APBB2: variants seen among roughly 807,000 people sequenced by gnomAD.
The protein encoded by APBB2 is amyloid beta precursor protein binding family B member 2, also known as Fe65-like 1.
In APBB2, 38 loss-of-function variants were observed where a neutral mutation model predicts 82.5. That is an observed-to-expected ratio of 0.46 (90% confidence interval 0.36 to 0.60). APBB2 has a LOEUF of 0.60. Ranked by LOEUF, APBB2 falls within the 20% of genes least tolerant of loss-of-function variation. The probability of loss-of-function intolerance (pLI) is 0.00; values close to 1 mark genes in which losing one functional copy is unlikely to be tolerated. For synonymous variants in APBB2, 341 were observed against 368.2 expected, an observed-to-expected ratio of 0.93 and a Z score of 0.85; for missense variants, 772 against 972.3, an observed-to-expected ratio of 0.79 and a Z score of 2.74.
intron 2 of APBB2, among the ~76,000 whole-genome samples, chr4:41,102,012 G>A (rs553234910): frequency 6.6e-6 from 1 of 151,068 alleles, no homozygotes; most frequent in Non-Finnish European, 1.5e-5. Context: ...CAACAATCGT[G>A]CAAATGGATT....
At chr4:40,926,033 GT>G (rs1346022598) in intron 10 of APBB2, among the ~76,000 whole-genome samples, 2 of 152,116 alleles carry the variant, frequency 1.3e-5, no homozygotes, top group African/African-American at 4.8e-5. Context: ...ACAAAATCCA[GT>G]GCCAATAAAA....
intron 1 of APBB2, among the ~76,000 whole-genome samples, chr4:41,151,345 T>C (rs905578600): frequency 1.3e-4 from 20 of 152,350 alleles, no homozygotes; most frequent in African/African-American, 4.8e-4. Flanking sequence ...ATTTGTATTG[T>C]TCAATACAAT....
chr4:41,037,165 G>A (rs1283275627), intron 4 of APBB2, among the ~76,000 whole-genome samples: 1 of 152,156 alleles, frequency 6.6e-6, no homozygotes, highest in Admixed American at 6.5e-5. Context: ...TCTTAGGTAG[G>A]TGAGTCTACT....
chr4:41,136,574 GAGA>G (rs1757622149), intron 2 of APBB2, among the ~76,000 whole-genome samples: 4 of 152,196 alleles, frequency 2.6e-5, no homozygotes, highest in African/African-American at 9.7e-5. Flanking sequence ...AGGTTGAAAT[GAGA>G]AGATTACGAA....
chr4:40,908,426 T>C (rs542272165), intron 10 of APBB2, among the ~76,000 whole-genome samples: 3 of 152,280 alleles, frequency 2.0e-5, no homozygotes, highest in South Asian at 4.1e-4. Context: ...GACACATTCC[T>C]GTCACCGCGC....
intron 6 of APBB2, among the ~76,000 whole-genome samples, chr4:40,967,177 T>C (rs982822655): frequency 2.6e-5 from 4 of 152,118 alleles, no homozygotes; most frequent in African/African-American, 9.7e-5. Flanking sequence ...GGAGAGGAGC[T>C]ACCTACTGTG....
intron 6 of APBB2, among the ~76,000 whole-genome samples, chr4:40,968,015 A>C (rs925899698): frequency 6.6e-6 from 1 of 152,228 alleles, no homozygotes; most frequent in African/African-American, 2.4e-5. Flanking sequence ...AGTGCCAAAC[A>C]CTGAGCAGTG....
intron 6 of APBB2, among the ~76,000 whole-genome samples, chr4:40,956,623 A>G (rs550682884): frequency 8.7e-4 from 108 of 123,790 alleles, no homozygotes; most frequent in African/African-American, 3.1e-3. Context: ...TAAAAAAAAG[A>G]AAAAAAAAAA....
chr4:41,010,731 A>C (rs1438623497), intron 6 of APBB2, among the ~76,000 whole-genome samples: 1 of 152,218 alleles, frequency 6.6e-6, no homozygotes, highest in African/African-American at 2.4e-5. Flanking sequence ...AATACTTAAA[A>C]AGACTGACGT....
intron 12 of APBB2, among the ~76,000 whole-genome samples, chr4:40,885,166 T>C (rs542955400): frequency 2.6e-5 from 4 of 152,348 alleles, no homozygotes; most frequent in Admixed American, 2.0e-4. Flanking sequence ...ACATTTTAAA[T>C]GGTCCATTTT....
intron 6 of APBB2, among the ~76,000 whole-genome samples, chr4:40,977,628 A>G (rs1797515624): frequency 6.6e-6 from 1 of 152,208 alleles, no homozygotes; most frequent in Non-Finnish European, 1.5e-5. Context: ...AAACTTTTAA[A>G]GAAACTTGTG....
At position 40,832,539 on chromosome 4, in the gene APBB2, A is replaced by G. The variant is rs1335129024; in HGVS notation, c.1530-1962T>C. On this transcript the variant is annotated intron_variant, in intron 12 of 17. Transcript: ENST00000508593. The surrounding 1 kb of genome is among the most constrained non-coding windows in gnomAD (Gnocchi z 4.8). ...GCCTCACGTGCCACACCCAATCCCCACATTCGTCCTGTTTCACCTCCTGGA... is the reference window on the plus strand; with the variant it reads ...GCCTCACGTGCCACACCCAATCCCCGCATTCGTCCTGTTTCACCTCCTGGA... Among the ~76,000 whole-genome samples, 3 of 151,912 alleles carry G rather than the reference A, an allele frequency of 2.0e-5. No homozygotes were observed. The highest frequency in any genetic ancestry group is 7.3e-5 in the African/African-American group (3 of 41,328).
At chr4:41,012,225 G>A (rs1808578956) in intron 6 of APBB2, among the ~76,000 whole-genome samples, 1 of 152,208 alleles carries the variant, frequency 6.6e-6, no homozygotes, top group Admixed American at 6.5e-5. Context: ...CAGAAAGGGT[G>A]CCATGACCAG....
intron 2 of APBB2, among the ~76,000 whole-genome samples, chr4:41,102,545 T>C (rs1355703068): frequency 6.6e-6 from 1 of 152,248 alleles, no homozygotes; most frequent in African/African-American, 2.4e-5. Flanking sequence ...AATACTAGGT[T>C]ATCGCAGAAG....
chr4:41,104,431 C>T (rs1746463690), intron 2 of APBB2, among the ~76,000 whole-genome samples: 1 of 152,126 alleles, frequency 6.6e-6, no homozygotes, highest in African/African-American at 2.4e-5. Flanking sequence ...GTTCACTCAC[C>T]CATGCTTGGC....
intron 1 of APBB2, among the ~76,000 whole-genome samples, chr4:41,196,361 A>G: frequency 2.6e-5 from 4 of 152,290 alleles, no homozygotes; most frequent in Admixed American, 1.3e-4. Flanking sequence ...TACCCCTAGC[A>G]CCTAGTGGGT....
intron 1 of APBB2, among the ~76,000 whole-genome samples, chr4:41,204,972 T>C (rs757703316): frequency 1.4e-4 from 22 of 152,316 alleles, no homozygotes; most frequent in East Asian, 3.9e-4. Flanking sequence ...CTCACATCCC[T>C]GTGGAAAGTC....
intron 4 of APBB2, among the ~76,000 whole-genome samples, chr4:41,037,700 G>A (rs1719769892): frequency 6.6e-6 from 1 of 152,108 alleles, no homozygotes; most frequent in South Asian, 2.1e-4. Flanking sequence ...GCGAAGTCCT[G>A]ATCTAGAGAA....
At chr4:41,002,159 A>T (rs1805426478) in intron 6 of APBB2, among the ~76,000 whole-genome samples, 1 of 152,204 alleles carries the variant, frequency 6.6e-6, no homozygotes, top group Non-Finnish European at 1.5e-5. Flanking sequence ...ACTGGTAACT[A>T]CCCCCACATT....
Sources: gnomAD v4.1 joint callset for allele counts (sites outside exome capture counted in the v4.1 genomes callset) on GRCh38, gnomAD v4.1.1 for gene constraint, Gnocchi (gnomAD v3.1) non-coding constraint, MANE v1.5 for transcripts, NCBI Gene and HGNC (gene_info 2026-07-23, HGNC 2026-07-21) for gene names.